Variants in ANKRD30A observed in about 807,000 individuals in gnomAD.
ANKRD30A encodes the protein ankyrin repeat domain-containing protein 30A.
A neutral mutation model predicts 166.3 loss-of-function variants in ANKRD30A; 170 were observed. The ratio of observed to expected loss-of-function variants is 1.02; its 90% CI spans 0.90 to 1.16. The LOEUF (loss-of-function observed/expected upper bound fraction) is 1.16. Among genes scored for constraint, ANKRD30A ranks in the 50% most tolerant of loss-of-function variants. The pLI, the probability that ANKRD30A is intolerant of heterozygous loss-of-function variation, is 0.00. For missense variants in ANKRD30A, 1,630 were observed against 1,518.0 expected (o/e 1.07, Z -1.23); for synonymous variants, 564 against 508.9 (o/e 1.11, Z -1.46).
At chr10:37,265,138 G>T in the ANKRD30A span, among the ~76,000 whole-genome samples, 23 of 152,124 alleles carry the variant, frequency 1.5e-4, no homozygotes, top group Non-Finnish European at 2.6e-4. Context: ...GAAAGACTGA[G>T]ATTAAAGGTC....
chr10:37,128,936 G>T (rs1836218188), intron 1 of ANKRD30A, among the ~76,000 whole-genome samples: 1 of 152,072 alleles, frequency 6.6e-6, no homozygotes, highest in Non-Finnish European at 1.5e-5. Flanking sequence ...TAATTTACAT[G>T]CATTCTATAA....
At chr10:37,210,294 A>G (rs1224041603) in intron 31 of ANKRD30A, among the ~76,000 whole-genome samples, 3 of 152,078 alleles carry the variant, frequency 2.0e-5, no homozygotes, top group African/African-American at 7.2e-5. Flanking sequence ...ACATGAATTC[A>G]TATCCTTTTT....
intron 3 of ANKRD30A, among the ~76,000 whole-genome samples, chr10:37,130,931 A>G (rs1010742170): frequency 2.6e-5 from 4 of 152,130 alleles, no homozygotes; most frequent in African/African-American, 9.7e-5. Context: ...CTCATAGTAT[A>G]TTTTGGTAAA....
the ANKRD30A span, among the ~76,000 whole-genome samples, chr10:37,240,639 C>T: frequency 6.6e-6 from 1 of 152,134 alleles, no homozygotes; most frequent in African/African-American, 2.4e-5. Context: ...TCACAGTGAT[C>T]TTCCTCAGCT....
chr10:37,144,756 C>A (rs1413093287), intron 7 of ANKRD30A, among the ~76,000 whole-genome samples: 1 of 150,704 alleles, frequency 6.6e-6, no homozygotes, highest in African/African-American at 2.4e-5. Flanking sequence ...ATAATTAATA[C>A]AAATTAATCA....
intron 1 of ANKRD30A, 150 bp downstream of exon 1, chr10:37,126,158 T>A: frequency 1.3e-6 from 1 of 798,888 alleles, no homozygotes; most frequent in East Asian, 2.7e-5. Context: ...GGCCCTCGGG[T>A]CTAGGCCTTC....
chr10:37,148,823 A>G (rs938986646), intron 9 of ANKRD30A, among the ~76,000 whole-genome samples: 25 of 152,118 alleles, frequency 1.6e-4, no homozygotes, highest in African/African-American at 5.1e-4. Flanking sequence ...TAAAATTGTC[A>G]TTCCACAAAA....
chr10:37,128,338 A>C (rs1159634190), intron 1 of ANKRD30A, among the ~76,000 whole-genome samples: 1 of 152,080 alleles, frequency 6.6e-6, no homozygotes, highest in Middle Eastern at 3.2e-3. Context: ...TGAAATTTGC[A>C]CAGATAAAAA....
intron 3 of ANKRD30A, among the ~76,000 whole-genome samples, chr10:37,131,306 A>G (rs946595863): frequency 6.6e-6 from 1 of 152,166 alleles, no homozygotes; most frequent in African/African-American, 2.4e-5. Context: ...TTAAATAGCA[A>G]TTACAATAGA....
intron 34 of ANKRD30A, among the ~76,000 whole-genome samples, chr10:37,229,322 T>C (rs1459073844): frequency 5.3e-5 from 8 of 152,064 alleles, no homozygotes; most frequent in Non-Finnish European, 8.8e-5. Context: ...GTTTGGCCCA[T>C]GTTATTATTT....
At chr10:37,224,235 A>G (rs1026448653) in intron 34 of ANKRD30A, among the ~76,000 whole-genome samples, 2 of 151,116 alleles carry the variant, frequency 1.3e-5, no homozygotes, top group African/African-American at 4.8e-5. Context: ...GTATTTGGTA[A>G]TCTTCTTCTT....
At position 37,158,248 on chromosome 10, in the gene ANKRD30A, A is replaced by G. The variant is rs534501426; in HGVS notation, c.1799-144A>G. Reference sequence around the variant, plus strand: ...TCACGTTGGCATGATAACAAATACAATAACCCAAAAGACCCCAAAACATAG... The same window carrying G: ...TCACGTTGGCATGATAACAAATACAGTAACCCAAAAGACCCCAAAACATAG... On this transcript the variant is annotated intron_variant, in intron 13 of 35. Transcript: ENST00000361713. 1.9e-5 allele frequency: 26 copies of G among 1,381,508 alleles called. No homozygotes were observed. The Admixed American group carries it at 2.0e-4, about 11-fold the overall frequency. The allele number at this position is 1,381,508 out of a possible 1,614,324, so 85.6% of individuals were successfully genotyped here. A position where few individuals can be genotyped will look rare whatever the true frequency, so the allele number is the denominator to read the frequency against.
rs757767416 is a variant in ANKRD30A at position 37,130,383 on chromosome 10, A to C, written c.510+5A>C. ...GTCATCGAAGTGCACAACAAGGTAG[A>C]CACTAACCAATGTTATTTTCAAAAT... On this transcript the variant is annotated splice_donor_5th_base_variant and intron_variant, in intron 3 of 35. Coordinates refer to ENST00000361713, the MANE Select transcript of ANKRD30A (RefSeq NM_052997.3). 1 of 1,436,672 alleles carries C rather than the reference A, an allele frequency of 7.0e-7. No homozygotes were observed. The allele number at this position is 1,436,672 out of a possible 1,614,324, so 89.0% of individuals were successfully genotyped here.
intron 15 of ANKRD30A, 74 bp from the exon 16 acceptor site, chr10:37,162,575 C>T (rs1839004480): frequency 5.1e-6 from 8 of 1,576,340 alleles, no homozygotes; most frequent in Non-Finnish European, 6.1e-6. Flanking sequence ...CAGTTAAATA[C>T]TATCACGGCA....
chr10:37,145,447 G>T (rs1328297169), intron 8 of ANKRD30A, among the ~76,000 whole-genome samples: 2 of 152,224 alleles, frequency 1.3e-5, no homozygotes, highest in South Asian at 2.1e-4. Context: ...ATTGCACTCA[G>T]ATCGGGCCAT....
chr10:37,264,787 G>A, the ANKRD30A span: 1 of 160,668 alleles, frequency 6.2e-6, no homozygotes, highest in South Asian at 2.0e-4. Flanking sequence ...CTATCAGGAG[G>A]TAAACCAAAT....
chr10:37,137,955 T>C (rs1836831571), intron 6 of ANKRD30A, among the ~76,000 whole-genome samples: 1 of 151,972 alleles, frequency 6.6e-6, no homozygotes, highest in South Asian at 2.1e-4. Context: ...GACCCTCGAG[T>C]AGCCTAACTG....
chr10:37,193,031 T>C, intron 25 of ANKRD30A, 33 bp from the exon 26 acceptor site: 1 of 1,603,662 alleles, frequency 6.2e-7, no homozygotes, highest in South Asian at 1.1e-5. Flanking sequence ...CAAGCTTGCA[T>C]ACAATAAATT....
At chr10:37,227,106 C>T (rs1023120917) in intron 34 of ANKRD30A, among the ~76,000 whole-genome samples, 1 of 151,876 alleles carries the variant, frequency 6.6e-6, no homozygotes, top group Admixed American at 6.6e-5. Flanking sequence ...TTCTCCTACT[C>T]AGTGCTTGCC....
Sources: gnomAD v4.1 joint callset for allele counts (sites outside exome capture counted in the v4.1 genomes callset) on GRCh38, gnomAD v4.1.1 for gene constraint, MANE v1.5 for transcripts, NCBI Gene and HGNC (gene_info 2026-07-23, HGNC 2026-07-21) for gene names.